RIN3: variants seen among roughly 807,000 people sequenced by gnomAD.
RIN3 encodes RAB5 interacting protein 3.
Under a neutral mutation model 76.3 loss-of-function variants are expected in RIN3, and 54 were observed. That is an observed-to-expected ratio of 0.71 (90% CI 0.57 to 0.89). RIN3 has a LOEUF of 0.89. Ranked by LOEUF, RIN3 falls within the 40% of genes least tolerant of loss-of-function variation. RIN3 has a pLI of 0.00. For missense variants in RIN3, 1,256 were observed against 1,322.1 expected (o/e 0.95, Z 0.78); for synonymous variants, 576 against 564.0 (o/e 1.02, Z -0.30).
intron 6 of RIN3, among the ~76,000 whole-genome samples, chr14:92,654,013 G>C (rs936219509): frequency 6.6e-6 from 1 of 151,896 alleles, no homozygotes; most frequent in Admixed American, 6.6e-5. Context: ...GCGAAACCCT[G>C]TCTCAAAAAG....
At position 92,615,423 on chromosome 14, in the gene RIN3, C is replaced by T; in HGVS notation, c.384C>T (p.Gly128=). 1.2e-6 allele frequency: 2 copies of T among 1,614,152 alleles called. No individual in the cohort carries two copies. Among genetic ancestry groups the T allele is most frequent in the South Asian group, 1.1e-5 (1 of 91,088 alleles). Residue 128 remains glycine, a synonymous_variant, in exon 4 of 10, where the codon GGC becomes GGT. Coordinates refer to ENST00000216487, the MANE Select transcript of RIN3 (RefSeq NM_024832.5). ...TCTCCCCAGTATTGTACCTGGAAGG[C>T]TCGGCTCTTGTGTTTGAGGACATCT... ...KEEKSILYLE[G]SALVFEDIFR... is the part of the protein sequence containing the mutation.
chr14:92,612,823 C>T (rs772749845), intron 3 of RIN3, among the ~76,000 whole-genome samples: 35 of 152,248 alleles, frequency 2.3e-4, no homozygotes, highest in Non-Finnish European at 4.4e-4. Context: ...TGGGCCTCTG[C>T]GTCTAGCGTC....
At position 92,568,286 on chromosome 14, in the gene RIN3, T is replaced by C. The variant is rs971242954; in HGVS notation, c.250-9074T>C. On this transcript the variant is annotated intron_variant, in intron 2 of 9. Transcript: ENST00000216487. The surrounding 1 kb of genome is among the most constrained non-coding windows in gnomAD (Gnocchi z 4.2). ...CATCATGGGCAACATCCCCTTGGAG[T>C]ATGACCTGGGGACACTCGATCAGCG... 9.9e-5 allele frequency among the ~76,000 whole-genome samples: 15 copies of C among 152,142 alleles called. No homozygotes were observed. The highest frequency in any genetic ancestry group is 3.4e-4 in the African/African-American group (14 of 41,494).
intron 2 of RIN3, among the ~76,000 whole-genome samples, chr14:92,563,126 G>A (rs760322998): frequency 3.3e-5 from 5 of 152,190 alleles, no homozygotes; most frequent in Non-Finnish European, 7.3e-5. Flanking sequence ...TTGGGAGGCC[G>A]AGGTGGGTGG....
chr14:92,547,777 C>T (rs1897323003), intron 1 of RIN3, among the ~76,000 whole-genome samples: 1 of 152,108 alleles, frequency 6.6e-6, no homozygotes, highest in South Asian at 2.1e-4. Context: ...CATCTCAGCT[C>T]ACTGCAACCT....
At chr14:92,609,168 C>T (rs1274167392) in intron 3 of RIN3, among the ~76,000 whole-genome samples, 13 of 152,148 alleles carry the variant, frequency 8.5e-5, no homozygotes, top group Admixed American at 8.5e-4. Context: ...AAAAACTGAA[C>T]CTCTTTAAAA....
intron 8 of RIN3, among the ~76,000 whole-genome samples, chr14:92,682,816 T>G (rs547753652): frequency 2.2e-4 from 34 of 152,240 alleles, no homozygotes; most frequent in African/African-American, 7.7e-4. Context: ...TTCAATTAGG[T>G]AGAAGGGGCA....
Position 92,676,618 on chromosome 14 carries a change from C to A in RIN3, c.2467+12C>A, listed in dbSNP as rs114612961. On this transcript the variant is annotated intron_variant, in intron 8 of 9. Transcript: ENST00000216487. ...GCAGCTGGGGGAGGGTGAGTCACCA[C>A]CCCCTGCCCATCAGGTGCATTGCAC... 6.2e-7 allele frequency: 1 copy of A among 1,611,242 alleles called. No individual in the cohort carries two copies. The highest frequency in any genetic ancestry group is 8.5e-7 in the Non-Finnish European group (1 of 1,178,600).
intron 3 of RIN3, among the ~76,000 whole-genome samples, chr14:92,585,469 A>AGTTAGCAAC: frequency 6.6e-6 from 1 of 152,286 alleles, no homozygotes; most frequent in East Asian, 1.9e-4. Flanking sequence ...CACCAATGCC[A>AGTTAGCAAC]GTTAGCACAA....
At chr14:92,651,494 C>T (rs1398930214) in intron 5 of RIN3, 88 bp from the exon 6 acceptor site, 7 of 598,618 alleles carry the variant, frequency 1.2e-5, no homozygotes, top group South Asian at 5.2e-5. Context: ...CCCTCCCACC[C>T]GTGGACCCCG....
At chr14:92,541,275 A>C (rs1253310293) in intron 1 of RIN3, among the ~76,000 whole-genome samples, 2 of 149,434 alleles carry the variant, frequency 1.3e-5, no homozygotes, top group Admixed American at 1.4e-4. Context: ...GATCCAAATT[A>C]ATTTCCCAAA....
chr14:92,573,083 T>C (rs149434544), intron 2 of RIN3, among the ~76,000 whole-genome samples: 251 of 152,100 alleles, frequency 1.7e-3, no homozygotes, highest in African/African-American at 5.9e-3. Flanking sequence ...GGTTTCACCA[T>C]GTTGGTCAGG....
At chr14:92,569,514 A>C (rs899425405) in intron 2 of RIN3, among the ~76,000 whole-genome samples, 2 of 151,914 alleles carry the variant, frequency 1.3e-5, no homozygotes, top group African/African-American at 4.8e-5. Flanking sequence ...GGGCCGTCTG[A>C]GGGCCCAGAA....
intron 4 of RIN3, among the ~76,000 whole-genome samples, chr14:92,635,521 C>A (rs1485423378): frequency 1.3e-5 from 2 of 152,254 alleles, no homozygotes; most frequent in East Asian, 3.9e-4. Context: ...TACCTTGTGG[C>A]CCGGCAGACT....
At chr14:92,533,177 T>G (rs1032273142) in intron 1 of RIN3, among the ~76,000 whole-genome samples, 1 of 152,236 alleles carries the variant, frequency 6.6e-6, no homozygotes, top group Non-Finnish European at 1.5e-5. Context: ...ACTGAAAAGA[T>G]GTAAACTTTA....
intron 4 of RIN3, among the ~76,000 whole-genome samples, chr14:92,629,672 A>G (rs1007453900): frequency 6.6e-6 from 1 of 152,226 alleles, no homozygotes; most frequent in Non-Finnish European, 1.5e-5. Context: ...AGGACACACC[A>G]GGTACCTGGC....
At chr14:92,636,537 T>C (rs1886783707) in intron 4 of RIN3, among the ~76,000 whole-genome samples, 1 of 151,956 alleles carries the variant, frequency 6.6e-6, no homozygotes, top group African/African-American at 2.4e-5. Flanking sequence ...TGAGCCCAGA[T>C]CATGTCATTG....
At chr14:92,627,849 C>T (rs565883547) in intron 4 of RIN3, among the ~76,000 whole-genome samples, 63 of 152,334 alleles carry the variant, frequency 4.1e-4, no homozygotes, top group Non-Finnish European at 6.5e-4. Flanking sequence ...TGAAGTGAAA[C>T]CCAGCATTCA....
rs561726081 is a variant in RIN3, at chr14:92,625,365, A to G, written c.440+9886A>G. On this transcript the variant is annotated intron_variant, in intron 4 of 9. Transcript: ENST00000216487. Reference sequence around the variant, plus strand: ...GTCATGATACTCCCATTTGATTCCTAAAGTTTGAGTAAGCCCTTTAATGAT... The same window carrying G: ...GTCATGATACTCCCATTTGATTCCTGAAGTTTGAGTAAGCCCTTTAATGAT... Among the ~76,000 whole-genome samples, 11 of 152,286 alleles carry G rather than the reference A, an allele frequency of 7.2e-5. No individual in the cohort carries two copies. The South Asian group carries it at 1.7e-3, about 23-fold the overall frequency.
Sources: allele counts gnomAD v4.1 joint callset (sites outside exome capture counted in the v4.1 genomes callset), GRCh38; gene constraint gnomAD v4.1.1; non-coding constraint Gnocchi (gnomAD v3.1); transcripts MANE v1.5; gene names NCBI Gene and HGNC (gene_info 2026-07-23, HGNC 2026-07-21).